Variants in DHX57 observed in about 807,000 individuals in gnomAD.
DHX57 encodes the protein putative ATP-dependent RNA helicase DHX57.
In DHX57, 105 loss-of-function variants were observed where a neutral mutation model predicts 156.2. The observed-to-expected ratio is 0.67, with a 90% CI of 0.57 to 0.79. DHX57 has a LOEUF of 0.79. DHX57 is among the 30% of genes least tolerant of loss of function. The pLI, the probability that DHX57 is intolerant of heterozygous loss-of-function variation, is 0.00. For missense variants in DHX57, 1,847 were observed against 1,661.9 expected (o/e 1.11, Z -1.94); for synonymous variants, 704 against 595.6 (o/e 1.18, Z -2.65).
In DHX57 at chr2:38,819,042, T is replaced by C. The variant is rs200282862; in HGVS notation, c.3387+7A>G. On this transcript the variant is annotated splice_region_variant and intron_variant, in intron 18 of 23. Coordinates refer to ENST00000457308, the MANE Select transcript of DHX57 (RefSeq NM_198963.3). ...AATAAAACTAAGCTATTAGGTTATA[T>C]ACTTACCTTATACGCTTGTAGAAGG... 1.9e-6 allele frequency: 3 copies of C among 1,614,178 alleles called. No homozygotes were observed. The highest frequency in any genetic ancestry group is 1.1e-5 in the South Asian group (1 of 91,080).
intron 9 of DHX57, chr2:38,853,628 A>G (rs1236277962): frequency 6.5e-6 from 1 of 153,050 alleles, no homozygotes; most frequent in Non-Finnish European, 1.5e-5. Context: ...CTTGTTCATC[A>G]CTGTATCCCC....
intron 1 of DHX57, 27 bp from the exon 2 acceptor site, chr2:38,868,438 C>T (rs754902421): frequency 2.5e-6 from 4 of 1,601,974 alleles, no homozygotes; most frequent in African/African-American, 2.7e-5. Flanking sequence ...TTAATGTAGA[C>T]ATCATAAAAC....
chr2:38,845,571 T>A (rs962794317), intron 11 of DHX57, among the ~76,000 whole-genome samples: 1 of 152,152 alleles, frequency 6.6e-6, no homozygotes, highest in African/African-American at 2.4e-5. Flanking sequence ...GGAATGAAGA[T>A]ACTAATCTGG....
At chr2:38,838,011 A>C in intron 12 of DHX57, 64 bp from the exon 13 acceptor site, 1 of 1,043,956 alleles carries the variant, frequency 9.6e-7, no homozygotes, top group Non-Finnish European at 1.5e-6. Context: ...TTTATTGTAT[A>C]TTTATACCAT....
chr2:38,802,696 A>G lies in DHX57; in HGVS notation c.4017+19T>C. 1 of 1,613,558 alleles carries G rather than the reference A, an allele frequency of 6.2e-7. No homozygotes were observed. Among genetic ancestry groups the G allele is most frequent in the South Asian group, 1.1e-5 (1 of 91,080 alleles). On this transcript the variant is annotated intron_variant, in intron 23 of 23. Coordinates refer to ENST00000457308, the MANE Select transcript of DHX57 (RefSeq NM_198963.3). Reference sequence around the variant, plus strand: ...CCTCATGGCCTGAGCCTCATAAAACAGACCAATTCTGCCTTTACCTGATGG... The same window carrying G: ...CCTCATGGCCTGAGCCTCATAAAACGGACCAATTCTGCCTTTACCTGATGG...
intron 13 of DHX57, 123 bp downstream of exon 13, chr2:38,837,708 C>T: frequency 1.7e-6 from 1 of 595,350 alleles, no homozygotes; most frequent in Admixed American, 2.7e-5. Context: ...TATTCTTAAC[C>T]CCACTGCCTT....
Position 38,823,055 on chromosome 2 carries a change from T to C in DHX57, c.3229A>G (p.Ile1077Val). ...AGAGCAGGATCCAAACAGCGGAAGA[T>C]AGACCCAAACAACATTAGTTTGCCA... is the stretch of plus-strand genomic sequence containing the variant. Reference protein sequence around the residue: ...RIGKLMLFGSIFRCLDPALTI... With the variant: ...RIGKLMLFGSVFRCLDPALTI... The change falls in exon 17 of 24, where the codon ATC becomes GTC. Residue 1077 changes from isoleucine to valine, a missense_variant. Ile to Val is a conservative substitution (Grantham distance 29). Transcript: ENST00000457308. 2.5e-6 allele frequency: 4 copies of C among 1,614,154 alleles called. No homozygotes were observed. The highest frequency in any genetic ancestry group is 3.4e-6 in the Non-Finnish European group (4 of 1,180,022).
At chr2:38,856,653 G>A in intron 6 of DHX57, 192 bp from the exon 7 acceptor site, 2 of 587,072 alleles carry the variant, frequency 3.4e-6, no homozygotes, top group Non-Finnish European at 5.4e-6. Context: ...ACAGGTGTGT[G>A]CCACTATACC....
intron 22 of DHX57, among the ~76,000 whole-genome samples, chr2:38,803,442 A>G (rs1669792195): frequency 6.6e-6 from 1 of 152,022 alleles, no homozygotes; most frequent in African/African-American, 2.4e-5. Flanking sequence ...TCTCTTTTCA[A>G]ATTACAAAAT....
At chr2:38,824,270 T>G (rs931512406) in intron 16 of DHX57, among the ~76,000 whole-genome samples, 13 of 152,084 alleles carry the variant, frequency 8.5e-5, no homozygotes, top group Non-Finnish European at 1.0e-4. Flanking sequence ...AAAAGACAAA[T>G]GCTGGATGGT....
chr2:38,872,812 G>A (rs2124956078), intron 1 of DHX57, among the ~76,000 whole-genome samples: 1 of 152,156 alleles, frequency 6.6e-6, no homozygotes, highest in East Asian at 1.9e-4. Context: ...TTTAATGGTA[G>A]AACAACTAGA....
rs144830453 is a variant in DHX57, at chr2:38,848,341, A to G, written c.2092T>C (p.Leu698=). ...TCAGCGTTTAGAGTTGCACTCATTA[A>G]AATAACTTGAAGACCTGGCCTCTGC... ...VSQRPGLQVI[L]MSATLNAELF... Residue 698 remains leucine (L), a synonymous_variant, in exon 10 of 24, where the codon TTA becomes CTA. Transcript: ENST00000457308. 272 of 1,612,670 alleles carry G rather than the reference A, an allele frequency of 1.7e-4. No individual in the cohort carries two copies. The highest frequency in any genetic ancestry group is 3.3e-5 in the Non-Finnish European group (39 of 1,179,478).
In DHX57 at chr2:38,813,809, A is replaced by T. The variant is rs548777494; in HGVS notation, c.3681+12T>A. 3 of 1,613,386 alleles carry T rather than the reference A, an allele frequency of 1.9e-6. No homozygotes were observed. The East Asian group carries it at 6.7e-5, about 36-fold the overall frequency. On this transcript the variant is annotated intron_variant, in intron 21 of 23. Transcript: ENST00000457308. ...CAAAAAATGGAAAGATCTAGGAAAAATGTTTTGTTACCTGCACTACATTTG... is the reference window on the plus strand; with the variant it reads ...CAAAAAATGGAAAGATCTAGGAAAATTGTTTTGTTACCTGCACTACATTTG...
chr2:38,861,698 G>C lies in DHX57; in HGVS notation c.712C>G (p.Gln238Glu). ...TCCATACACTCATCCAAGCTTATCT[G>C]GTTGACTGCCTCAGAGATCTTCATC... ...ERMKISEAVNQISLDECMEQR... is the reference protein window; with the variant it reads ...ERMKISEAVNEISLDECMEQR... The change falls in exon 5 of 24, where the codon CAG (glutamine) becomes GAG (glutamate). Residue 238 changes from glutamine (Q) to glutamate (E), a missense_variant. By Grantham distance (29) the Gln-to-Glu change is conservative. Coordinates refer to ENST00000457308, the MANE Select transcript of DHX57 (RefSeq NM_198963.3). 1.2e-6 allele frequency: 2 copies of C among 1,614,142 alleles called. No individual in the cohort carries two copies. Among genetic ancestry groups the C allele is most frequent in the Non-Finnish European group, 1.7e-6 (2 of 1,180,030 alleles).
intron 6 of DHX57, chr2:38,856,665 G>A (rs535018584): frequency 2.2e-5 from 11 of 509,464 alleles, no homozygotes; most frequent in African/African-American, 6.0e-5. Context: ...CACTATACCC[G>A]GCTTTTTGTA....
At chr2:38,863,295 A>G in intron 3 of DHX57, 66 bp downstream of exon 3, 1 of 1,518,158 alleles carries the variant, frequency 6.6e-7, no homozygotes, top group Non-Finnish European at 8.9e-7. Context: ...CCAAAGATGC[A>G]CAGGACCTTC....
intron 21 of DHX57, among the ~76,000 whole-genome samples, chr2:38,806,980 G>A (rs1009403597): frequency 6.6e-6 from 1 of 150,700 alleles, no homozygotes; most frequent in Non-Finnish European, 1.5e-5. Flanking sequence ...GGTCTGTACT[G>A]ATGATCAGGT....
At chr2:38,845,717 G>A (rs1260616905) in intron 11 of DHX57, among the ~76,000 whole-genome samples, 1 of 151,900 alleles carries the variant, frequency 6.6e-6, no homozygotes, top group Non-Finnish European at 1.5e-5. Context: ...AGAAAGTAGG[G>A]CTTTCAAAGA....
chr2:38,862,034 C>T lies in DHX57; in HGVS notation c.572+111G>A. ...AAGATAGAATATTAGGCCTATCAGG[C>T]ATTGCTGGAACCCACATAATAGGAA... On this transcript the variant is annotated intron_variant, in intron 4 of 23. Transcript: ENST00000457308. 7.7e-6 allele frequency: 10 copies of T among 1,303,316 alleles called. No homozygotes were observed. In the South Asian group the frequency reaches 1.6e-4, roughly 21 times the overall value. The allele number at this position is 1,303,316 out of a possible 1,614,324, so 80.7% of individuals were successfully genotyped here. A position where few individuals can be genotyped will look rare whatever the true frequency, so the allele number is the denominator to read the frequency against.
Sources: allele counts gnomAD v4.1 joint callset (sites outside exome capture counted in the v4.1 genomes callset), GRCh38; gene constraint gnomAD v4.1.1; transcripts MANE v1.5; gene names NCBI Gene and HGNC (gene_info 2026-07-23, HGNC 2026-07-21).